UBE2W: variants seen among roughly 807,000 people sequenced by gnomAD.
UBE2W encodes the protein ubiquitin-conjugating enzyme E2 W.
A neutral mutation model predicts 27.2 loss-of-function variants in UBE2W; 18 were observed. The ratio of observed to expected loss-of-function variants is 0.66; its 90% CI spans 0.46 to 0.98. The LOEUF (loss-of-function observed/expected upper bound fraction) is 0.98. Among genes scored for constraint, UBE2W ranks in the 50% least tolerant of loss-of-function variants. The pLI is 0.00. For missense variants in UBE2W, 90 were observed against 180.2 expected, an observed-to-expected ratio of 0.50 and a Z score of 2.87; for synonymous variants, 53 against 57.2, an observed-to-expected ratio of 0.93 and a Z score of 0.33.
chr8:73,836,695 A>G (rs1305007927), intron 1 of UBE2W, among the ~76,000 whole-genome samples: 1 of 152,254 alleles, frequency 6.6e-6, no homozygotes, highest in Non-Finnish European at 1.5e-5. Context: ...AGCTATAATC[A>G]CATGAGGCTG....
intron 1 of UBE2W, among the ~76,000 whole-genome samples, chr8:73,854,510 C>G (rs1811206108): frequency 6.6e-6 from 1 of 152,102 alleles, no homozygotes; most frequent in Non-Finnish European, 1.5e-5. Flanking sequence ...TCTAATAAAT[C>G]TATTTTTTAG....
At chr8:73,783,160 T>A (rs1389490306), downstream of UBE2W, among the ~76,000 whole-genome samples, 2 of 152,226 alleles carry the variant, frequency 1.3e-5, no homozygotes, top group East Asian at 3.8e-4. Flanking sequence ...TATAAATATA[T>A]CCTTTATCAG....
At chr8:73,780,418 T>C (rs1807820251) in exon 5 of UBE2W, 3 of 439,366 alleles carry the variant, frequency 6.8e-6, no homozygotes, top group African/African-American at 2.0e-5. Context: ...TATTTCCAAA[T>C]AGGGTCACAA....
chr8:73,781,619 G>GTTTTTTTT (rs112691687), downstream of UBE2W, among the ~76,000 whole-genome samples: 7 of 140,874 alleles, frequency 5.0e-5, no homozygotes, highest in Non-Finnish European at 9.2e-5. Context: ...TCAGGTTTGG[G>GTTTTTTTT]TTTTTTTTTT....
chr8:73,876,207 C>T (rs1812215201), intron 1 of UBE2W, among the ~76,000 whole-genome samples: 1 of 151,508 alleles, frequency 6.6e-6, no homozygotes, highest in Non-Finnish European at 1.5e-5. Context: ...GTGTCTGACA[C>T]ATAGAGGTCC....
chr8:73,837,277 C>A (rs1020402930), intron 1 of UBE2W, among the ~76,000 whole-genome samples: 3 of 152,192 alleles, frequency 2.0e-5, no homozygotes, highest in Non-Finnish European at 4.4e-5. Flanking sequence ...CTCTGGGAGG[C>A]CGAGGCAGGT....
At chr8:73,794,342 T>A (rs1196258929) in intron 5 of UBE2W, among the ~76,000 whole-genome samples, 3 of 152,214 alleles carry the variant, frequency 2.0e-5, no homozygotes, top group Non-Finnish European at 2.9e-5. Context: ...TAAAATGATA[T>A]GTTATTAGCA....
At position 73,786,828 on chromosome 8, in the gene UBE2W, A is replaced by G. The variant is rs1326969003; in HGVS notation, c.*7274T>C. ...GAAAAATGCAAGGAGAGGACTACTG[A>G]GTATCATTGCTTGATTAAGTTGGAT... On this transcript the variant is annotated 3_prime_UTR_variant, in exon 6 of 6. Coordinates refer to ENST00000602593, the MANE Select transcript of UBE2W (RefSeq NM_018299.6). 1.0e-6 allele frequency: 1 copy of G among 985,302 alleles called. No individual in the cohort carries two copies. The highest frequency in any genetic ancestry group is 1.7e-5 in the African/African-American group (1 of 57,246). The allele number at this position is 985,302 out of a possible 1,614,324, so 61.0% of individuals were successfully genotyped here.
At chr8:73,836,033 C>G (rs141964147) in intron 1 of UBE2W, among the ~76,000 whole-genome samples, 1 of 152,250 alleles carries the variant, frequency 6.6e-6, no homozygotes, top group Non-Finnish European at 1.5e-5. Flanking sequence ...TCCTGACCCT[C>G]GGAACTGTGA....
intron 1 of UBE2W, among the ~76,000 whole-genome samples, chr8:73,851,627 G>C (rs1811083460): frequency 6.6e-6 from 1 of 152,072 alleles, no homozygotes; most frequent in Non-Finnish European, 1.5e-5. Flanking sequence ...CAACAATGTG[G>C]CATATGTACT....
At chr8:73,849,244 G>A (rs530769180) in intron 1 of UBE2W, among the ~76,000 whole-genome samples, 1 of 152,124 alleles carries the variant, frequency 6.6e-6, no homozygotes, top group African/African-American at 2.4e-5. Context: ...AGGAGCGGTG[G>A]CTCACTCATG....
At chr8:73,872,796 TTATG>T (rs1812053260) in intron 1 of UBE2W, among the ~76,000 whole-genome samples, 1 of 152,222 alleles carries the variant, frequency 6.6e-6, no homozygotes, top group African/African-American at 2.4e-5. Flanking sequence ...CAAGGTTACT[TTATG>T]TATCATATTT....
At chr8:73,828,925 A>G (rs1352210650) in intron 2 of UBE2W, among the ~76,000 whole-genome samples, 1 of 152,064 alleles carries the variant, frequency 6.6e-6, no homozygotes, top group Non-Finnish European at 1.5e-5. Context: ...CTCGTTATGG[A>G]TCTTCCACAT....
intron 1 of UBE2W, among the ~76,000 whole-genome samples, chr8:73,867,756 A>G (rs1811842121): frequency 6.6e-6 from 1 of 151,888 alleles, no homozygotes; most frequent in African/African-American, 2.4e-5. Context: ...ATTTGCATAG[A>G]TATTTCTCCA....
chr8:73,857,875 T>C (rs577829340), intron 1 of UBE2W, among the ~76,000 whole-genome samples: 1 of 152,172 alleles, frequency 6.6e-6, no homozygotes, highest in Non-Finnish European at 1.5e-5. Flanking sequence ...AAAGTTTACA[T>C]AAACTTGGGC....
chr8:73,781,493 C>T (rs1452555130), downstream of UBE2W, among the ~76,000 whole-genome samples: 1 of 152,008 alleles, frequency 6.6e-6, no homozygotes, highest in Non-Finnish European at 1.5e-5. Context: ...TGCTTCTTCT[C>T]TTTGTACTTT....
At position 73,791,056 on chromosome 8, in the gene UBE2W, T is replaced by C. The variant is rs940405597; in HGVS notation, c.*3046A>G. 3.0e-6 allele frequency: 3 copies of C among 984,626 alleles called. No homozygotes were observed. The African/African-American group carries it at 5.2e-5, about 17-fold the overall frequency. 61.0% of individuals were successfully genotyped at this position (984,626 alleles called of 1,614,324 possible). On this transcript the variant is annotated 3_prime_UTR_variant, in exon 6 of 6. Transcript: ENST00000602593. ...TTCTCCAGGTGAACTGCTGACTATA[T>C]AGAAGCTATTTCCAGCACTTTCTTC...
chr8:73,805,447 T>C (rs1428564415), intron 5 of UBE2W, among the ~76,000 whole-genome samples: 260 of 1,882 alleles, frequency 0.14, 2 homozygotes, highest in African/African-American at 0.25. Flanking sequence ...AGAGCAAAAC[T>C]CCATCTCAAA....
chr8:73,861,754 C>T (rs994989717), intron 1 of UBE2W, among the ~76,000 whole-genome samples: 3 of 152,162 alleles, frequency 2.0e-5, no homozygotes, highest in African/African-American at 7.2e-5. Flanking sequence ...GGAACCGCCC[C>T]ATAGCCACAT....
Sources: gnomAD v4.1 joint callset for allele counts (sites outside exome capture counted in the v4.1 genomes callset) on GRCh38, gnomAD v4.1.1 for gene constraint, MANE v1.5 for transcripts, NCBI Gene and HGNC (gene_info 2026-07-23, HGNC 2026-07-21) for gene names.